Variants in PTGER3 observed in about 807,000 individuals in gnomAD.
PTGER3 encodes the protein prostaglandin E receptor 3, also known as prostaglandin E2 receptor EP3 subtype.
In PTGER3, 22 loss-of-function variants were observed where a neutral mutation model predicts 34.7. The observed-to-expected ratio is 0.63, with a 90% CI of 0.45 to 0.91. PTGER3 has a LOEUF of 0.91. Among genes scored for constraint, PTGER3 ranks in the 40% least tolerant of loss-of-function variants. PTGER3 has a pLI of 0.00. For missense variants in PTGER3, 468 were observed against 519.4 expected, an observed-to-expected ratio of 0.90 and a Z score of 0.96; for synonymous variants, 241 against 230.1, an observed-to-expected ratio of 1.05 and a Z score of -0.43.
In PTGER3 at chr1:70,985,498, G is replaced by A. The variant is rs945003161; in HGVS notation, c.1078-11110C>T. On this transcript the variant is annotated intron_variant, in intron 2 of 3. Transcript: ENST00000306666. ...TTTCTCATAAATGCAGAATGTTGGCGAACTGACAAACTGTGTATGCCACCC... is the reference window on the plus strand; with the variant it reads ...TTTCTCATAAATGCAGAATGTTGGCAAACTGACAAACTGTGTATGCCACCC... Among the ~76,000 whole-genome samples the A allele has an allele frequency of 3.3e-5, 5 of 152,072 alleles. No homozygotes were observed. The East Asian group carries it at 5.8e-4, about 18-fold the overall frequency.
chr1:70,882,036 T>C (rs1429138519), intron 4 of PTGER3, among the ~76,000 whole-genome samples: 1 of 151,956 alleles, frequency 6.6e-6, no homozygotes, highest in Non-Finnish European at 1.5e-5. Context: ...AACCTGTGAA[T>C]TGGAAACTCT....
At chr1:70,990,529 G>T in intron 2 of PTGER3, among the ~76,000 whole-genome samples, 1 of 151,194 alleles carries the variant, frequency 6.6e-6, no homozygotes, top group Non-Finnish European at 1.5e-5. Flanking sequence ...ATACATGTAT[G>T]TACATGTATA....
chr1:70,930,741 G>T (rs577714954), intron 4 of PTGER3, among the ~76,000 whole-genome samples: 1 of 151,988 alleles, frequency 6.6e-6, no homozygotes, highest in African/African-American at 2.4e-5. Flanking sequence ...GAGGGAAACC[G>T]CCCCATGGTT....
intron 4 of PTGER3, among the ~76,000 whole-genome samples, chr1:70,904,052 G>C (rs1412831056): frequency 2.6e-5 from 4 of 151,904 alleles, no homozygotes. Flanking sequence ...TTCCTTCATT[G>C]TTCCTGTGAT....
intron 4 of PTGER3, among the ~76,000 whole-genome samples, chr1:70,913,527 C>A (rs1647106597): frequency 6.6e-6 from 1 of 151,856 alleles, no homozygotes; most frequent in South Asian, 2.1e-4. Flanking sequence ...CCAGTAAATG[C>A]AGACTGAAGG....
intron 2 of PTGER3, among the ~76,000 whole-genome samples, chr1:70,976,006 T>C (rs372151165): frequency 6.6e-6 from 1 of 152,068 alleles, no homozygotes; most frequent in African/African-American, 2.4e-5. Context: ...CTGCTTTAAC[T>C]AAGGAAATGC....
rs557230053 is a variant in PTGER3, at chr1:70,960,760, A to G, written c.1078-6971T>C. On this transcript the variant is annotated intron_variant, in intron 2 of 3. Coordinates refer to the PTGER3 transcript ENST00000356595. Reference sequence around the variant, plus strand: ...ATTAAACTGCTCCTTAAAAAATAGAAAAGGAGATAATGAAGTCAAGGGAAA... The same window carrying G: ...ATTAAACTGCTCCTTAAAAAATAGAGAAGGAGATAATGAAGTCAAGGGAAA... 1.1e-4 allele frequency among the ~76,000 whole-genome samples: 16 copies of G among 152,296 alleles called. No homozygotes were observed. The East Asian group carries it at 3.1e-3, about 29-fold the overall frequency.
chr1:70,950,056 A>G (rs1382022294), downstream of PTGER3, among the ~76,000 whole-genome samples: 2 of 152,182 alleles, frequency 1.3e-5, no homozygotes, highest in African/African-American at 2.4e-5. Flanking sequence ...TTAAGGAGTG[A>G]AGGAAGACAC....
chr1:71,016,399 A>G (rs1326994843), intron 1 of PTGER3, among the ~76,000 whole-genome samples: 3 of 152,238 alleles, frequency 2.0e-5, no homozygotes, highest in African/African-American at 7.2e-5. Context: ...TACTTTATAT[A>G]TAAAGTTTTG....
At position 71,024,556 on chromosome 1, in the gene PTGER3, A is replaced by C. The variant is rs74090204; in HGVS notation, c.898-12072T>G. Among the ~76,000 whole-genome samples the C allele has an allele frequency of 3.5e-3, 532 of 152,062 alleles. 7 individuals are homozygous for C. The highest frequency in any genetic ancestry group is 0.012 in the African/African-American group (506 of 41,512). On this transcript the variant is annotated intron_variant, in intron 1 of 3. Transcript: ENST00000306666. ...ATTAACAAATAAGTGAATGAGAGCAAGGGTATAGTGCATCCTGCCCATTTG... is the reference window on the plus strand; with the variant it reads ...ATTAACAAATAAGTGAATGAGAGCACGGGTATAGTGCATCCTGCCCATTTG...
intron 4 of PTGER3, among the ~76,000 whole-genome samples, chr1:70,873,669 A>T (rs1389401451): frequency 6.9e-6 from 1 of 144,220 alleles, no homozygotes; most frequent in Non-Finnish European, 1.5e-5. Flanking sequence ...TTTTTTTGAG[A>T]CAGAGTCTTG....
Position 70,974,337 on chromosome 1 carries a change from G to A in PTGER3, c.1129C>T (p.Gln377Ter), listed in dbSNP as rs1359514821. Residue 377 changes from glutamine to a stop codon, truncating the protein, a stop_gained, in exon 3 of 4, where the codon CAG (glutamine) becomes TAG (stop). Transcript: ENST00000306666. LOFTEE classifies it high-confidence loss of function. Reference protein sequence around the residue: ...YASSSTSLPCQCSSTLMWSDH... With the variant: ...YASSSTSLPC Reference sequence around the variant, plus strand: ...CTCCACATCAAGGTTGAGGAACACTGGCAGGGTAAGGAGGTGGAGCTGGAT... The same window carrying A: ...CTCCACATCAAGGTTGAGGAACACTAGCAGGGTAAGGAGGTGGAGCTGGAT... The A allele has an allele frequency of 6.8e-7, 1 of 1,461,296 alleles. No individual in the cohort carries two copies. The highest frequency in any genetic ancestry group is 2.3e-5 in the East Asian group (1 of 44,120). The allele number at this position is 1,461,296 out of a possible 1,614,324, so 90.5% of individuals were successfully genotyped here.
rs1042414480 is a variant in PTGER3, at chr1:70,971,163, C to A, written c.*567G>T. 1.0e-6 allele frequency: 1 copy of A among 985,334 alleles called. No individual in the cohort carries two copies. The highest frequency in any genetic ancestry group is 1.7e-5 in the African/African-American group (1 of 57,304). The allele number at this position is 985,334 out of a possible 1,614,324, so 61.0% of individuals were successfully genotyped here. A position where few individuals can be genotyped will look rare whatever the true frequency, so the allele number is the denominator to read the frequency against. The stretch of plus-strand genomic sequence containing the variant: ...GGAACTTTTAGTTCCATGCTAAGCC[C>A]ACAGGGACACAACATCTCTAAAACA... On this transcript the variant is annotated 3_prime_UTR_variant, in exon 4 of 4. Coordinates refer to ENST00000306666, the MANE Select transcript of PTGER3 (RefSeq NM_198719.2).
intron 4 of PTGER3, among the ~76,000 whole-genome samples, chr1:70,930,879 T>C (rs1648620708): frequency 6.6e-6 from 1 of 152,140 alleles, no homozygotes; most frequent in Admixed American, 6.5e-5. Flanking sequence ...TCTCATGTTC[T>C]CACATTTCAA....
chr1:70,902,639 T>C (rs189839555), intron 4 of PTGER3, among the ~76,000 whole-genome samples: 16 of 152,248 alleles, frequency 1.1e-4, no homozygotes, highest in Non-Finnish European at 2.1e-4. Context: ...GAAAACAGTG[T>C]TGAGTTCCAG....
At chr1:71,044,993 T>C (rs1215728792) in intron 1 of PTGER3, among the ~76,000 whole-genome samples, 2 of 152,206 alleles carry the variant, frequency 1.3e-5, no homozygotes, top group African/African-American at 4.8e-5. Flanking sequence ...GTTGGCCACC[T>C]GTACACTCCA....
At chr1:71,014,449 G>A (rs911347570) in intron 1 of PTGER3, among the ~76,000 whole-genome samples, 1 of 152,146 alleles carries the variant, frequency 6.6e-6, no homozygotes, top group African/African-American at 2.4e-5. Context: ...CACCCAGATG[G>A]TACATGTACG....
intron 2 of PTGER3, among the ~76,000 whole-genome samples, chr1:70,996,637 AT>A (rs201056549): frequency 0.42 from 20,214 of 48,532 alleles, 1,924 homozygotes; most frequent in East Asian, 0.57. Context: ...ATTTTTTTGT[AT>A]TTTTATTTAT....
At chr1:70,943,114 T>A (rs756085488) in intron 4 of PTGER3, among the ~76,000 whole-genome samples, 6 of 152,190 alleles carry the variant, frequency 3.9e-5, no homozygotes, top group Non-Finnish European at 7.3e-5. Flanking sequence ...AGTGATTTAC[T>A]TGTCTGTCTC....
Sources: allele counts gnomAD v4.1 joint callset (sites outside exome capture counted in the v4.1 genomes callset), GRCh38; gene constraint gnomAD v4.1.1; transcripts MANE v1.5; gene names NCBI Gene and HGNC (gene_info 2026-07-23, HGNC 2026-07-21).